CAST: variants seen among roughly 807,000 people sequenced by gnomAD.
CAST encodes calpastatin.
In CAST, 76 loss-of-function variants were observed where a neutral mutation model predicts 119.6. The observed-to-expected ratio is 0.64, with a 90% CI of 0.53 to 0.77. The LOEUF (loss-of-function observed/expected upper bound fraction) is 0.77. CAST is among the 30% of genes least tolerant of loss of function. CAST has a pLI of 0.00. For synonymous variants in CAST, 319 were observed against 331.6 expected, an observed-to-expected ratio of 0.96 and a Z score of 0.41; for missense variants, 953 against 946.5, an observed-to-expected ratio of 1.01 and a Z score of -0.09.
chr5:96,351,565 G>T, the CAST span, among the ~76,000 whole-genome samples: 1 of 152,114 alleles, frequency 6.6e-6, no homozygotes, highest in Non-Finnish European at 1.5e-5. Flanking sequence ...ATGTAGGGTT[G>T]TTTGTTATCC....
At chr5:96,166,892 G>A in the CAST span, among the ~76,000 whole-genome samples, 4 of 152,268 alleles carry the variant, frequency 2.6e-5, no homozygotes, top group African/African-American at 9.6e-5. Flanking sequence ...TGGTGAAAAT[G>A]TTTGGAGAGA....
intron 9 of CAST, among the ~76,000 whole-genome samples, chr5:96,735,401 C>T (rs1045742867): frequency 6.6e-6 from 1 of 152,198 alleles, no homozygotes; most frequent in African/African-American, 2.4e-5. Context: ...AACAACTTCA[C>T]CCATTTAGTT....
chr5:96,349,437 A>G, the CAST span, among the ~76,000 whole-genome samples: 1 of 152,110 alleles, frequency 6.6e-6, no homozygotes, highest in East Asian at 1.9e-4. Context: ...CTTTGGATGC[A>G]ACACATGTAA....
chr5:96,161,714 C>T, the CAST span, among the ~76,000 whole-genome samples: 1 of 152,116 alleles, frequency 6.6e-6, no homozygotes, highest in East Asian at 1.9e-4. Flanking sequence ...TGGAGTGTTG[C>T]TATCCTAATA....
intron 1 of CAST, chr5:96,663,287 G>A: frequency 1.4e-6 from 1 of 697,488 alleles, no homozygotes; most frequent in Non-Finnish European, 2.6e-6. Context: ...CGGGGAAGGG[G>A]TGCGGACCGG....
At chr5:96,383,832 G>A in the CAST span, among the ~76,000 whole-genome samples, 1 of 152,188 alleles carries the variant, frequency 6.6e-6, no homozygotes, top group Non-Finnish European at 1.5e-5. Flanking sequence ...GAGACCAGGG[G>A]CACTCTGTTG....
chr5:96,241,221 CCCCACAA>C, the CAST span, among the ~76,000 whole-genome samples: 2 of 117,562 alleles, frequency 1.7e-5, no homozygotes, highest in African/African-American at 6.5e-5. Flanking sequence ...CCTCCCCCCA[CCCCACAA>C]CAGTCCCCAG....
chr5:96,375,182 G>A, the CAST span, among the ~76,000 whole-genome samples: 1 of 152,120 alleles, frequency 6.6e-6, no homozygotes, highest in African/African-American at 2.4e-5. Context: ...CGTTGGAAAT[G>A]GAATATTGGA....
intron 6 of CAST, among the ~76,000 whole-genome samples, chr5:96,727,977 A>G (rs1024841328): frequency 6.6e-6 from 1 of 152,146 alleles, no homozygotes. Flanking sequence ...GTTTATCGTG[A>G]CAGTCTTACC....
chr5:96,183,385 G>A, the CAST span, among the ~76,000 whole-genome samples: 2 of 151,678 alleles, frequency 1.3e-5, no homozygotes, highest in Non-Finnish European at 2.9e-5. Flanking sequence ...TTTAAATAAT[G>A]TCATAATTAA....
the CAST span, among the ~76,000 whole-genome samples, chr5:96,163,173 A>T: frequency 6.6e-6 from 1 of 152,134 alleles, no homozygotes; most frequent in Non-Finnish European, 1.5e-5. Context: ...ATTTGTTGGC[A>T]TTCAGTTGTA....
the CAST span, among the ~76,000 whole-genome samples, chr5:96,424,769 A>C: frequency 0.025 from 3,744 of 152,060 alleles, 152 homozygotes; most frequent in African/African-American, 0.086. Context: ...TCGAGACCAG[A>C]CTGACCAATG....
At chr5:96,563,423 G>A (rs1459232964) in intron 1 of CAST, among the ~76,000 whole-genome samples, 1 of 152,058 alleles carries the variant, frequency 6.6e-6, no homozygotes, top group Non-Finnish European at 1.5e-5. Flanking sequence ...AAAATGAAGT[G>A]CATAAAGTTT....
At chr5:96,471,712 T>C in the CAST span, among the ~76,000 whole-genome samples, 1 of 151,992 alleles carries the variant, frequency 6.6e-6, no homozygotes, top group African/African-American at 2.4e-5. Context: ...TCCTGTCTTT[T>C]GCCTGTTTAA....
At chr5:95,961,811 A>G in the CAST span, 3 of 1,449,170 alleles carry the variant, frequency 2.1e-6, no homozygotes, top group East Asian at 5.3e-5. Context: ...AGCCGCCGCC[A>G]CTGCTAGGGC....
At chr5:96,695,210 T>C (rs1753136618) in intron 2 of CAST, among the ~76,000 whole-genome samples, 1 of 152,212 alleles carries the variant, frequency 6.6e-6, no homozygotes, top group Admixed American at 6.5e-5. Context: ...GTTTATCTTG[T>C]TACTCATGGT....
chr5:96,198,280 C>T, the CAST span, among the ~76,000 whole-genome samples: 50 of 152,276 alleles, frequency 3.3e-4, 1 homozygote, highest in African/African-American at 1.1e-3. Flanking sequence ...CTCACTTAGG[C>T]TGTTTTTGAT....
chr5:96,108,767 C>A, the CAST span, among the ~76,000 whole-genome samples: 2 of 152,206 alleles, frequency 1.3e-5, no homozygotes, highest in Admixed American at 6.5e-5. Context: ...TGGAGCTTGC[C>A]GGCTGCTTTG....
the CAST span, among the ~76,000 whole-genome samples, chr5:96,407,661 A>C: frequency 5.9e-5 from 9 of 152,342 alleles, 2 homozygotes; most frequent in African/African-American, 2.2e-4. Flanking sequence ...TTTAAGCATG[A>C]TTAGATGACT....
Sources: allele counts gnomAD v4.1 joint callset (sites outside exome capture counted in the v4.1 genomes callset), GRCh38; gene constraint gnomAD v4.1.1; transcripts MANE v1.5; gene names NCBI Gene and HGNC (gene_info 2026-07-23, HGNC 2026-07-21).